The following VKORC1L1 variants were observed in gnomAD, a reference collection of about 807,000 sequenced individuals.
The protein encoded by VKORC1L1 is vitamin K epoxide reductase complex subunit 1-like protein 1.
Under a neutral mutation model 18.9 loss-of-function variants are expected in VKORC1L1, and 2 were observed. That is an observed-to-expected ratio of 0.11 (90% CI 0.04 to 0.33). The LOEUF (loss-of-function observed/expected upper bound fraction) is 0.33. Ranked by LOEUF, VKORC1L1 falls within the 10% of genes least tolerant of loss-of-function variation. The pLI is 1.00. For missense variants in VKORC1L1, 123 were observed against 224.1 expected, an observed-to-expected ratio of 0.55 and a Z score of 2.88; for synonymous variants, 96 against 100.0, an observed-to-expected ratio of 0.96 and a Z score of 0.24.
chr7:65,886,477 AC>A (rs1789012870), intron 1 of VKORC1L1, among the ~76,000 whole-genome samples: 2 of 152,206 alleles, frequency 1.3e-5, no homozygotes, highest in South Asian at 4.1e-4. Flanking sequence ...AAAATGTCGT[AC>A]AATATTGCAG....
At chr7:65,898,913 T>C (rs184949121) in intron 1 of VKORC1L1, among the ~76,000 whole-genome samples, 34 of 152,334 alleles carry the variant, frequency 2.2e-4, no homozygotes, top group African/African-American at 8.2e-4. Context: ...TGGAATCATA[T>C]AGTGTTTGCC....
intron 1 of VKORC1L1, among the ~76,000 whole-genome samples, chr7:65,889,721 T>A (rs1789079336): frequency 1.3e-5 from 2 of 150,752 alleles, no homozygotes. Flanking sequence ...CTGACTTTTA[T>A]GAGAATCATT....
intron 1 of VKORC1L1, among the ~76,000 whole-genome samples, chr7:65,899,838 A>C (rs1360225737): frequency 6.6e-6 from 1 of 152,002 alleles, no homozygotes; most frequent in Non-Finnish European, 1.5e-5. Flanking sequence ...CGTCTCTACT[A>C]AAAATACAAA....
chr7:65,895,510 T>C (rs948866288), intron 1 of VKORC1L1, among the ~76,000 whole-genome samples: 1,287 of 88,366 alleles, frequency 0.015, 27 homozygotes, highest in Non-Finnish European at 0.022. Context: ...TATATATATA[T>C]ATATATACAC....
At chr7:65,902,726 G>A (rs964680937) in intron 1 of VKORC1L1, among the ~76,000 whole-genome samples, 2 of 152,094 alleles carry the variant, frequency 1.3e-5, no homozygotes, top group Non-Finnish European at 1.5e-5. Flanking sequence ...CCATTATAAA[G>A]AGAAAATCTT....
intron 1 of VKORC1L1, among the ~76,000 whole-genome samples, chr7:65,907,548 AAG>A (rs746206360): frequency 2.0e-5 from 3 of 152,216 alleles, no homozygotes; most frequent in South Asian, 2.1e-4. Context: ...ACTAGCTAGA[AAG>A]AGAAATGTAG....
intron 1 of VKORC1L1, among the ~76,000 whole-genome samples, chr7:65,898,920 T>C (rs1789263008): frequency 6.6e-6 from 1 of 152,230 alleles, no homozygotes; most frequent in Non-Finnish European, 1.5e-5. Flanking sequence ...ATATAGTGTT[T>C]GCCCTTTTGT....
intron 1 of VKORC1L1, among the ~76,000 whole-genome samples, chr7:65,884,442 G>A (rs965166473): frequency 3.3e-5 from 5 of 152,118 alleles, no homozygotes; most frequent in Non-Finnish European, 7.3e-5. Flanking sequence ...TTTGAGACCA[G>A]CCTGGCCAAC....
At chr7:65,879,017 G>A (rs536446845) in intron 1 of VKORC1L1, among the ~76,000 whole-genome samples, 24 of 152,300 alleles carry the variant, frequency 1.6e-4, no homozygotes, top group African/African-American at 5.8e-4. Context: ...CCTTCCACCA[G>A]ACAGTTCTCC....
chr7:65,957,510 CAA>C lies in VKORC1L1; in HGVS notation c.*3212_*3213del, dbSNP rs1171779212. 6.9e-6 allele frequency: 1 copy of C among 145,936 alleles called. No individual in the cohort carries two copies. The highest frequency in any genetic ancestry group is 1.5e-5 in the Non-Finnish European group (1 of 67,096). 9.0% of individuals were successfully genotyped at this position (145,936 alleles called of 1,614,324 possible). On this transcript the variant is annotated 3_prime_UTR_variant, in exon 3 of 3. Coordinates refer to ENST00000360768, the MANE Select transcript of VKORC1L1 (RefSeq NM_173517.6). ...AAAAAAAAAAGAGAGAGACTGCATT[CAA>C]AGAGGACCAAGACTACAGTGAAATT...
chr7:65,907,739 G>A (rs1183784771), intron 1 of VKORC1L1, among the ~76,000 whole-genome samples: 1 of 152,130 alleles, frequency 6.6e-6, no homozygotes, highest in Non-Finnish European at 1.5e-5. Context: ...TCTTTGAGCA[G>A]GTGTTTATTT....
chr7:65,914,442 C>A (rs1789553980), intron 1 of VKORC1L1, among the ~76,000 whole-genome samples: 1 of 152,070 alleles, frequency 6.6e-6, no homozygotes, highest in Non-Finnish European at 1.5e-5. Flanking sequence ...TATCCCTTCC[C>A]TCTATATCTT....
At chr7:65,913,742 A>AAG (rs1378455685) in intron 1 of VKORC1L1, among the ~76,000 whole-genome samples, 1 of 81,884 alleles carries the variant, frequency 1.2e-5, no homozygotes, top group Non-Finnish European at 2.2e-5. Flanking sequence ...AAAAAAAAAA[A>AAG]GGGAGGGGGG....
chr7:65,891,411 A>G (rs1789109236), intron 1 of VKORC1L1, among the ~76,000 whole-genome samples: 2 of 151,886 alleles, frequency 1.3e-5, no homozygotes, highest in African/African-American at 2.4e-5. Flanking sequence ...TTTAATTTGC[A>G]TTTCCCTGAT....
intron 1 of VKORC1L1, among the ~76,000 whole-genome samples, chr7:65,897,420 T>C (rs1222133127): frequency 2.0e-5 from 3 of 152,222 alleles, no homozygotes; most frequent in African/African-American, 4.8e-5. Flanking sequence ...TTGAATAATA[T>C]CCATTAAAGT....
chr7:65,950,811 A>G (rs761318167), intron 2 of VKORC1L1, among the ~76,000 whole-genome samples: 4 of 152,252 alleles, frequency 2.6e-5, no homozygotes, highest in Non-Finnish European at 4.4e-5. Flanking sequence ...ACGTGTTTGT[A>G]TACATGCATG....
At chr7:65,874,582 T>C (rs1039863252) in intron 1 of VKORC1L1, among the ~76,000 whole-genome samples, 1 of 151,348 alleles carries the variant, frequency 6.6e-6, no homozygotes, top group African/African-American at 2.4e-5. Flanking sequence ...CCGAGGCGGG[T>C]GGATCATGAG....
intron 1 of VKORC1L1, among the ~76,000 whole-genome samples, chr7:65,934,293 A>G (rs1789905612): frequency 1.3e-5 from 2 of 152,168 alleles, no homozygotes; most frequent in East Asian, 3.8e-4. Context: ...TATGGAGTAC[A>G]ACATGATGTT....
intron 1 of VKORC1L1, among the ~76,000 whole-genome samples, chr7:65,885,194 C>T (rs1233984331): frequency 6.6e-6 from 1 of 152,122 alleles, no homozygotes; most frequent in Admixed American, 6.5e-5. Context: ...TGCATTTCTT[C>T]TGGATATTGC....
Sources: allele counts gnomAD v4.1 joint callset (sites outside exome capture counted in the v4.1 genomes callset), GRCh38; gene constraint gnomAD v4.1.1; transcripts MANE v1.5; gene names NCBI Gene and HGNC (gene_info 2026-07-23, HGNC 2026-07-21).